The following CPEB1 variants were observed in gnomAD, a reference collection of about 807,000 sequenced individuals.
CPEB1 encodes cytoplasmic polyadenylation element binding protein 1, also known as cytoplasmic polyadenylation element-binding protein 1.
CPEB1 carries 7 observed loss-of-function variants against 65.8 expected under a neutral mutation model. The observed-to-expected ratio is 0.11, with a 90% CI of 0.06 to 0.20. The LOEUF (loss-of-function observed/expected upper bound fraction) is 0.20, where lower values mean the gene tolerates loss of function less well. CPEB1 is among the 10% of genes least tolerant of loss of function. The pLI, the probability that CPEB1 is intolerant of heterozygous loss-of-function variation, is 1.00. For synonymous variants in CPEB1, 262 were observed against 260.0 expected, an observed-to-expected ratio of 1.01 and a Z score of -0.08; for missense variants, 551 against 712.2, an observed-to-expected ratio of 0.77 and a Z score of 2.58.
chr15:82,624,120 G>A (rs1211799574), intron 3 of CPEB1, among the ~76,000 whole-genome samples: 1 of 152,078 alleles, frequency 6.6e-6, no homozygotes, highest in Non-Finnish European at 1.5e-5. Flanking sequence ...TCACAAGGTT[G>A]GTATTTTTGC....
At chr15:82,612,719 AGCTACTCAGGAG>A (rs1236621077) in intron 3 of CPEB1, among the ~76,000 whole-genome samples, 2 of 151,920 alleles carry the variant, frequency 1.3e-5, no homozygotes, top group African/African-American at 4.8e-5. Flanking sequence ...CTGTAATCCC[AGCTACTCAGGAG>A]GCTGAGGCAG....
chr15:82,589,338 G>A (rs76715825), intron 3 of CPEB1, among the ~76,000 whole-genome samples: 3,376 of 152,278 alleles, frequency 0.022, 111 homozygotes, highest in African/African-American at 0.077. Context: ...GCTACTTTCT[G>A]AGAGAGAGAC....
chr15:82,616,513 A>G (rs2044725954), intron 3 of CPEB1, among the ~76,000 whole-genome samples: 1 of 150,720 alleles, frequency 6.6e-6, no homozygotes, highest in South Asian at 2.1e-4. Context: ...TGGTAAATAC[A>G]TTATTTTACA....
chr15:82,637,839 C>G (rs987934977), intron 1 of CPEB1: 2 of 319,884 alleles, frequency 6.3e-6, no homozygotes, highest in East Asian at 7.6e-5. Flanking sequence ...ATTTTAAGTA[C>G]TTTTAATTAC....
intron 3 of CPEB1, among the ~76,000 whole-genome samples, chr15:82,586,090 A>G (rs905344241): frequency 6.6e-6 from 1 of 152,210 alleles, no homozygotes; most frequent in Non-Finnish European, 1.5e-5. Context: ...GGAAACAGAC[A>G]TCAGGATACA....
At chr15:82,606,817 C>CAAAAAAAAAAAAAAAA (rs56078202) in intron 3 of CPEB1, among the ~76,000 whole-genome samples, 7 of 82,980 alleles carry the variant, frequency 8.4e-5, no homozygotes, top group African/African-American at 3.4e-4. Context: ...GACTCCGTCT[C>CAAAAAAAAAAAAAAAA]AAAAAAAAAA....
At chr15:82,562,337 C>T (rs2038370205) in intron 4 of CPEB1, 19 of 379,884 alleles carry the variant, frequency 5.0e-5, no homozygotes, top group South Asian at 2.9e-4. Context: ...CTTGCCACTA[C>T]AGGAACTCAT....
intron 3 of CPEB1, among the ~76,000 whole-genome samples, chr15:82,591,042 T>G (rs989118617): frequency 2.0e-5 from 3 of 152,228 alleles, no homozygotes; most frequent in African/African-American, 7.2e-5. Context: ...AGCAATGGGA[T>G]TGCTGGGTTG....
At chr15:82,581,445 A>G (rs2041274049) in intron 3 of CPEB1, among the ~76,000 whole-genome samples, 1 of 152,166 alleles carries the variant, frequency 6.6e-6, no homozygotes, top group African/African-American at 2.4e-5. Context: ...CTCGCTTTCA[A>G]TTCTTTTGTG....
intron 12 of CPEB1, among the ~76,000 whole-genome samples, chr15:82,544,911 C>T (rs1161068000): frequency 6.6e-6 from 1 of 152,152 alleles, no homozygotes; most frequent in Admixed American, 6.5e-5. Flanking sequence ...TTACAGGTCC[C>T]CTTACTTAAA....
intron 3 of CPEB1, among the ~76,000 whole-genome samples, chr15:82,611,813 A>T (rs930257314): frequency 3.9e-5 from 6 of 152,118 alleles, no homozygotes; most frequent in Non-Finnish European, 8.8e-5. Context: ...ACAATAGGAA[A>T]AAAAATAAAT....
intron 3 of CPEB1, among the ~76,000 whole-genome samples, chr15:82,590,181 T>C (rs2042111744): frequency 6.9e-6 from 1 of 145,918 alleles, no homozygotes; most frequent in African/African-American, 2.6e-5. Context: ...AGAATAGTCT[T>C]TTCCTATGTG....
chr15:82,566,867 A>G (rs780676817), intron 4 of CPEB1, among the ~76,000 whole-genome samples: 2 of 152,072 alleles, frequency 1.3e-5, no homozygotes, highest in Non-Finnish European at 2.9e-5. Context: ...TAATTACATC[A>G]CCGTCCCCTA....
At chr15:82,594,047 C>T (rs932664161) in intron 3 of CPEB1, among the ~76,000 whole-genome samples, 2 of 152,160 alleles carry the variant, frequency 1.3e-5, no homozygotes, top group Non-Finnish European at 2.9e-5. Context: ...TCAGAATGGT[C>T]GGTAAGCACT....
chr15:82,582,041 G>T (rs939032346), intron 3 of CPEB1, among the ~76,000 whole-genome samples: 10 of 152,226 alleles, frequency 6.6e-5, no homozygotes, highest in African/African-American at 2.4e-4. Flanking sequence ...GCCAAAGGAT[G>T]TGAGCATATA....
At chr15:82,587,843 C>T (rs945993659) in intron 3 of CPEB1, among the ~76,000 whole-genome samples, 1 of 152,142 alleles carries the variant, frequency 6.6e-6, no homozygotes, top group Non-Finnish European at 1.5e-5. Context: ...TATGTTTATA[C>T]CTAAGTACAA....
intron 3 of CPEB1, among the ~76,000 whole-genome samples, chr15:82,600,675 T>C (rs1025723822): frequency 2.0e-5 from 3 of 152,116 alleles, no homozygotes; most frequent in African/African-American, 4.8e-5. Context: ...TGATAACATG[T>C]TGTAATCCCT....
At chr15:82,620,820 A>G (rs2045236741) in intron 3 of CPEB1, among the ~76,000 whole-genome samples, 3 of 152,304 alleles carry the variant, frequency 2.0e-5, no homozygotes, top group African/African-American at 4.8e-5. Context: ...AAAATTTAGC[A>G]TAACAAGTGC....
intron 3 of CPEB1, chr15:82,571,870 G>A (rs1644640779): frequency 9.4e-7 from 1 of 1,068,376 alleles, no homozygotes; most frequent in East Asian, 7.1e-5. Context: ...AACGGGGGAG[G>A]AGCAGGAGGG....
Sources: gnomAD v4.1 joint callset for allele counts (sites outside exome capture counted in the v4.1 genomes callset) on GRCh38, gnomAD v4.1.1 for gene constraint, MANE v1.5 for transcripts, NCBI Gene and HGNC (gene_info 2026-07-23, HGNC 2026-07-21) for gene names.